The following ECI1 variants were observed in gnomAD, a reference collection of about 807,000 sequenced individuals.
ECI1 encodes the protein enoyl-CoA delta isomerase 1.
Under a neutral mutation model 34.2 loss-of-function variants are expected in ECI1, and 34 were observed. The observed-to-expected ratio is 1.00, with a 90% CI of 0.76 to 1.33. ECI1 has a LOEUF of 1.33. Ranked by LOEUF, ECI1 falls within the 40% of genes most tolerant of loss-of-function variation. The pLI is 0.00. For synonymous variants in ECI1, 211 were observed against 193.0 expected, an observed-to-expected ratio of 1.09 and a Z score of -0.77; for missense variants, 456 against 422.2, an observed-to-expected ratio of 1.08 and a Z score of -0.70.
chr16:2,242,016 C>T (rs1486907476), intron 6 of ECI1, among the ~76,000 whole-genome samples: 1 of 152,162 alleles, frequency 6.6e-6, no homozygotes, highest in East Asian at 1.9e-4. Context: ...CCCGCCGCCA[C>T]ACCTGGCTAA....
At chr16:2,242,970 C>T (rs1174265535) in intron 6 of ECI1, 76 bp downstream of exon 6, 30 of 1,178,556 alleles carry the variant, frequency 2.5e-5, no homozygotes, top group Non-Finnish European at 3.7e-5. Context: ...GTCACGATGT[C>T]CACAGAAAAC....
At chr16:2,247,714 A>G (rs58883843) in intron 2 of ECI1, among the ~76,000 whole-genome samples, 23 of 151,704 alleles carry the variant, frequency 1.5e-4, no homozygotes, top group Non-Finnish European at 3.2e-4. Flanking sequence ...TTATTTTTTT[A>G]TTATTATTAT....
In ECI1 at chr16:2,244,389, G is replaced by A; in HGVS notation, c.441+17C>T. On this transcript the variant is annotated intron_variant, in intron 4 of 6. Transcript: ENST00000301729. ...CCAGAACAGCCAGCGAGGCCACCTG[G>A]GAGTGGGGACACTCACGTTGATGGC... 1 of 1,611,094 alleles carries A rather than the reference G, an allele frequency of 6.2e-7. No homozygotes were observed. Among genetic ancestry groups the A allele is most frequent in the Non-Finnish European group, 8.5e-7 (1 of 1,179,300 alleles).
chr16:2,245,532 G>A (rs1233394464), intron 3 of ECI1, among the ~76,000 whole-genome samples: 2 of 152,168 alleles, frequency 1.3e-5, no homozygotes, highest in Non-Finnish European at 2.9e-5. Context: ...GAATGGGTAG[G>A]CCGGTCCTTT....
chr16:2,247,900 G>C (rs911636988), intron 2 of ECI1, among the ~76,000 whole-genome samples: 1 of 151,890 alleles, frequency 6.6e-6, no homozygotes, highest in African/African-American at 2.4e-5. Flanking sequence ...GTACAGACGA[G>C]GTCTTATTTT....
At chr16:2,246,489 CA>C (rs950453021) in intron 3 of ECI1, among the ~76,000 whole-genome samples, 1 of 152,194 alleles carries the variant, frequency 6.6e-6, no homozygotes, top group Non-Finnish European at 1.5e-5. Context: ...ACGGCCCGGG[CA>C]GGGAAGGCTG....
chr16:2,244,300 G>T, intron 4 of ECI1, 106 bp downstream of exon 4: 1 of 1,354,478 alleles, frequency 7.4e-7, no homozygotes, highest in Non-Finnish European at 1.0e-6. Context: ...CTCTCCAACC[G>T]TCCCCTTCCC....
At position 2,251,521 on chromosome 16, in the gene ECI1, G is replaced by A. The variant is rs1160008718; in HGVS notation, c.46C>T (p.Arg16Cys). 3.2e-6 allele frequency: 5 copies of A among 1,559,846 alleles called. No individual in the cohort carries two copies. Among genetic ancestry groups the A allele is most frequent in the Non-Finnish European group, 4.3e-6 (5 of 1,153,584 alleles). Residue 16 changes from arginine (R) to cysteine (C), a missense_variant, in exon 1 of 7, where the codon CGC becomes TGC. Arg to Cys is a radical substitution (Grantham distance 180). Coordinates refer to ENST00000301729, the MANE Select transcript of ECI1 (RefSeq NM_001919.4). ...CCCACCCCGGGTTTCGCACCCGCGC[G>A]GAGCAGAACGCGCGCCGGGACTCGC... ...SVRVPARVLL[R>C]AGARLPGAAL...
chr16:2,248,798 A>G (rs960628539), intron 2 of ECI1, among the ~76,000 whole-genome samples: 1 of 152,186 alleles, frequency 6.6e-6, no homozygotes, highest in Non-Finnish European at 1.5e-5. Flanking sequence ...GCCGCTGCCT[A>G]GTTCCAGAAC....
chr16:2,244,367 G>A, intron 4 of ECI1, 39 bp downstream of exon 4: 2 of 1,605,196 alleles, frequency 1.2e-6, no homozygotes, highest in Non-Finnish European at 1.7e-6. Flanking sequence ...CGCTGGCCCA[G>A]AACAGCCAGC....
At chr16:2,250,156 G>A (rs931069913) in intron 2 of ECI1, among the ~76,000 whole-genome samples, 21 of 149,578 alleles carry the variant, frequency 1.4e-4, no homozygotes. Context: ...CTATTTGGGA[G>A]GCTGAGGAGG....
At position 2,239,928 on chromosome 16, in the gene ECI1, C is replaced by T. The variant is rs1056227582; in HGVS notation, c.*51G>A. The stretch of plus-strand genomic sequence containing the variant: ...TGAAAAATACCTTGTTTAAGACCTC[C>T]CTGGGACCCACAGGGGCACGTGTGG... On this transcript the variant is annotated 3_prime_UTR_variant, in exon 7 of 7. Coordinates refer to ENST00000301729, the MANE Select transcript of ECI1 (RefSeq NM_001919.4). The T allele has an allele frequency of 1.9e-6, 3 of 1,595,500 alleles. No individual in the cohort carries two copies. The African/African-American group carries it at 4.0e-5, about 21-fold the overall frequency.
intron 2 of ECI1, among the ~76,000 whole-genome samples, chr16:2,248,269 G>T (rs1043062717): frequency 5.9e-5 from 9 of 151,652 alleles, no homozygotes; most frequent in Non-Finnish European, 8.8e-5. Flanking sequence ...GCTAATTTTT[G>T]TATTTTTAGT....
chr16:2,240,220 T>TA (rs1265237728), intron 6 of ECI1, 75 bp from the exon 7 acceptor site: 1 of 1,520,294 alleles, frequency 6.6e-7, no homozygotes, highest in Non-Finnish European at 8.9e-7. Flanking sequence ...ATTTTTTATT[T>TA]TTATTTTTTG....
chr16:2,243,191 G>A lies in ECI1; in HGVS notation c.597C>T (p.His199=). 1 of 1,610,132 alleles carries A rather than the reference G, an allele frequency of 6.2e-7. No individual in the cohort carries two copies. The highest frequency in any genetic ancestry group is 1.7e-5 in the Admixed American group (1 of 60,030). The change falls in exon 6 of 7, where the codon CAC becomes CAT. Residue 199 remains histidine, a synonymous_variant. Coordinates refer to ENST00000301729, the MANE Select transcript of ECI1 (RefSeq NM_001919.4). Reference sequence around the variant, plus strand: ...GCTGCAGGGCACGCTCCGCCGCCCGGTGCCCGATGGTGTTCTCCAGGGTGT... The same window carrying A: ...GCTGCAGGGCACGCTCCGCCGCCCGATGCCCGATGGTGTTCTCCAGGGTGT... ...LKDTLENTIG[H]RAAERALQLG...
chr16:2,240,669 G>A (rs138657898), intron 6 of ECI1: 369 of 156,984 alleles, frequency 2.4e-3, no homozygotes, highest in African/African-American at 8.6e-3. Context: ...CTACAGGCGT[G>A]CACACACATC....
At chr16:2,240,223 AT>A (rs1217383916) in intron 6 of ECI1, 78 bp from the exon 7 acceptor site, 1 of 1,381,416 alleles carries the variant, frequency 7.2e-7, no homozygotes, top group African/African-American at 1.5e-5. Context: ...TTTTATTTTT[AT>A]TTTTTGAGAC....
intron 6 of ECI1, among the ~76,000 whole-genome samples, chr16:2,242,259 C>A (rs2093529694): frequency 2.0e-5 from 3 of 151,788 alleles, no homozygotes; most frequent in Admixed American, 2.0e-4. Flanking sequence ...TCCCAAAGTG[C>A]TGAGATTACA....
Position 2,250,370 on chromosome 16 carries a change from C to T in ECI1, c.166+946G>A, listed in dbSNP as rs143486773. 6.1e-3 allele frequency among the ~76,000 whole-genome samples: 929 copies of T among 151,750 alleles called. 8 individuals carry two copies. Among genetic ancestry groups the T allele is most frequent in the African/African-American group, 0.02 (840 of 41,378 alleles). On this transcript the variant is annotated intron_variant, in intron 2 of 6. Coordinates refer to ENST00000301729, the MANE Select transcript of ECI1 (RefSeq NM_001919.4). Reference sequence around the variant, plus strand: ...GCTCCCTCAGCCCAGACAGAGAGGACGGAACCAAGTTCAGAGGCACCAGGA... The same window carrying T: ...GCTCCCTCAGCCCAGACAGAGAGGATGGAACCAAGTTCAGAGGCACCAGGA...
Sources: gnomAD v4.1 joint callset for allele counts (sites outside exome capture counted in the v4.1 genomes callset) on GRCh38, gnomAD v4.1.1 for gene constraint, MANE v1.5 for transcripts, NCBI Gene and HGNC (gene_info 2026-07-23, HGNC 2026-07-21) for gene names.